Variants in NPAS3 observed in about 807,000 individuals in gnomAD.
NPAS3 encodes neuronal PAS domain protein 3.
A neutral mutation model predicts 73.1 loss-of-function variants in NPAS3; 14 were observed. That is an observed-to-expected ratio of 0.19 (90% CI 0.13 to 0.30). The LOEUF is 0.30. Ranked by LOEUF, NPAS3 falls within the 10% of genes least tolerant of loss-of-function variation. NPAS3 has a pLI of 1.00. For synonymous variants in NPAS3, 620 were observed against 541.5 expected, an observed-to-expected ratio of 1.14 and a Z score of -2.01; for missense variants, 1,096 against 1,250.0, an observed-to-expected ratio of 0.88 and a Z score of 1.86.
At position 33,565,121 on chromosome 14, in the gene NPAS3, TATA is replaced by T. The variant is rs1159854430; in HGVS notation, c.558+4916_558+4918del. On this transcript the variant is annotated intron_variant, in intron 5 of 11. Transcript: ENST00000356141. ...TGAAAAGGGCAGGGTGGCTGCAGAT[TATA>T]ATAAGAGTTAATAGAGGTGAAGGTG... 5.3e-5 allele frequency among the ~76,000 whole-genome samples: 8 copies of T among 152,202 alleles called. No individual in the cohort carries two copies. In the South Asian group the frequency reaches 1.2e-3, roughly 24 times the overall value.
intron 3 of NPAS3, among the ~76,000 whole-genome samples, chr14:33,233,594 GATAA>G (rs2047930230): frequency 6.6e-6 from 1 of 152,072 alleles, no homozygotes; most frequent in Admixed American, 6.6e-5. Flanking sequence ...AGCAAAAGTA[GATAA>G]ATAAACATAC....
intron 3 of NPAS3, among the ~76,000 whole-genome samples, chr14:33,236,730 T>C (rs2048047458): frequency 6.6e-6 from 1 of 152,088 alleles, no homozygotes; most frequent in African/African-American, 2.4e-5. Flanking sequence ...GTCTGTGACA[T>C]GGCAAAGTAA....
At chr14:33,284,414 A>G (rs942116724) in intron 3 of NPAS3, among the ~76,000 whole-genome samples, 6 of 152,134 alleles carry the variant, frequency 3.9e-5, no homozygotes, top group African/African-American at 1.4e-4. Context: ...CAACCCCAGA[A>G]ATGCATTACA....
intron 1 of NPAS3, among the ~76,000 whole-genome samples, chr14:32,970,704 T>C (rs1433982280): frequency 1.3e-5 from 2 of 152,158 alleles, no homozygotes; most frequent in Non-Finnish European, 2.9e-5. Flanking sequence ...TACCTTCTTC[T>C]GGAGGTTTGC....
At chr14:33,793,803 T>C in intron 9 of NPAS3, 94 bp from the exon 10 acceptor site, 1 of 1,279,832 alleles carries the variant, frequency 7.8e-7, no homozygotes, top group Non-Finnish European at 1.1e-6. Flanking sequence ...GTCCTCCCAT[T>C]TTTAGGCTTA....
chr14:33,134,861 A>AT (rs71448288), intron 2 of NPAS3, among the ~76,000 whole-genome samples: 99,238 of 150,566 alleles, frequency 0.66, 33,149 homozygotes, highest in Non-Finnish European at 0.68. Context: ...TTAAAGACTG[A>AT]TTTTTTTTTT....
intron 1 of NPAS3, among the ~76,000 whole-genome samples, chr14:32,955,179 T>C (rs1172181918): frequency 6.6e-6 from 1 of 152,126 alleles, no homozygotes; most frequent in Non-Finnish European, 1.5e-5. Context: ...GCAATCAATG[T>C]CCAATGATTT....
At chr14:33,034,342 T>G (rs2040092826) in intron 1 of NPAS3, among the ~76,000 whole-genome samples, 1 of 151,814 alleles carries the variant, frequency 6.6e-6, no homozygotes, top group African/African-American at 2.4e-5. Context: ...GTCTTCATGC[T>G]CATTCTATTA....
chr14:33,284,031 C>A (rs189212112), intron 3 of NPAS3, among the ~76,000 whole-genome samples: 80 of 152,178 alleles, frequency 5.3e-4, no homozygotes, highest in Non-Finnish European at 9.1e-4. Context: ...TTTCTCCTTT[C>A]TTCATATGTT....
intron 1 of NPAS3, among the ~76,000 whole-genome samples, chr14:32,996,450 C>A (rs1219046345): frequency 6.6e-6 from 1 of 152,136 alleles, no homozygotes; most frequent in African/African-American, 2.4e-5. Context: ...CATGTCAGAA[C>A]CCTTCACAGC....
intron 7 of NPAS3, among the ~76,000 whole-genome samples, chr14:33,772,258 C>A (rs975834983): frequency 2.6e-5 from 4 of 152,166 alleles, no homozygotes; most frequent in African/African-American, 9.7e-5. Context: ...AGAGAGGCTG[C>A]GTGACTTGCC....
chr14:33,743,995 C>A (rs981701179), intron 7 of NPAS3, among the ~76,000 whole-genome samples: 1 of 152,226 alleles, frequency 6.6e-6, no homozygotes, highest in Non-Finnish European at 1.5e-5. Context: ...CTGGTTTGGT[C>A]TTCTATCCAG....
chr14:33,045,288 C>T (rs1395076113), intron 1 of NPAS3, among the ~76,000 whole-genome samples: 7 of 152,154 alleles, frequency 4.6e-5, no homozygotes, highest in Non-Finnish European at 1.0e-4. Flanking sequence ...TGCCTATTTT[C>T]CATCTGTATC....
chr14:33,348,428 T>G (rs2044854250), intron 3 of NPAS3, among the ~76,000 whole-genome samples: 1 of 152,104 alleles, frequency 6.6e-6, no homozygotes, highest in South Asian at 2.1e-4. Flanking sequence ...ACTCTTGATA[T>G]TACTGAAAAG....
chr14:33,399,745 C>T (rs2047372865), intron 4 of NPAS3, among the ~76,000 whole-genome samples: 1 of 151,560 alleles, frequency 6.6e-6, no homozygotes, highest in Non-Finnish European at 1.5e-5. Flanking sequence ...TTTTTAATCT[C>T]ACTACTCTTA....
intron 1 of NPAS3, among the ~76,000 whole-genome samples, chr14:33,040,247 G>T (rs2040308292): frequency 1.3e-5 from 2 of 152,016 alleles, no homozygotes; most frequent in South Asian, 4.1e-4. Flanking sequence ...ATTGAATGGA[G>T]GAATTTATTA....
chr14:33,348,245 G>T (rs1380809806), intron 3 of NPAS3, among the ~76,000 whole-genome samples: 1 of 152,088 alleles, frequency 6.6e-6, no homozygotes, highest in Non-Finnish European at 1.5e-5. Flanking sequence ...TGTAGAACCT[G>T]AACTCTTCTT....
At chr14:33,259,219 T>C (rs2048886188) in intron 3 of NPAS3, among the ~76,000 whole-genome samples, 1 of 152,218 alleles carries the variant, frequency 6.6e-6, no homozygotes, top group Non-Finnish European at 1.5e-5. Flanking sequence ...GGTTCAGGGT[T>C]TGAGCTTTAT....
chr14:33,016,639 A>G (rs570258873), intron 1 of NPAS3, among the ~76,000 whole-genome samples: 1 of 149,810 alleles, frequency 6.7e-6, no homozygotes. Flanking sequence ...AAAACGACCT[A>G]ACCCATTGCT....
Sources: gnomAD v4.1 joint callset for allele counts (sites outside exome capture counted in the v4.1 genomes callset) on GRCh38, gnomAD v4.1.1 for gene constraint, MANE v1.5 for transcripts, NCBI Gene and HGNC (gene_info 2026-07-23, HGNC 2026-07-21) for gene names.